Variants in MELTF observed in about 807,000 individuals in gnomAD.
MELTF encodes melanotransferrin, also known as antigen p97 (melanoma associated) identified by monoclonal antibodies 133.2 and 96.5.
Under a neutral mutation model 83.7 loss-of-function variants are expected in MELTF, and 67 were observed. That is an observed-to-expected ratio of 0.80 (90% CI 0.66 to 0.98). The LOEUF is 0.98. MELTF is among the 50% of genes least tolerant of loss of function. MELTF has a pLI of 0.00. For synonymous variants in MELTF, 462 were observed against 447.6 expected (o/e 1.03, Z -0.41); for missense variants, 1,002 against 1,035.6 (o/e 0.97, Z 0.44).
rs769472513 is a variant in MELTF, at chr3:197,015,511, G to A, written c.1087C>T (p.Pro363Ser). The A allele has an allele frequency of 5.0e-6, 8 of 1,609,856 alleles. No individual in the cohort carries two copies. The African/African-American group carries it at 6.7e-5, about 13-fold the overall frequency. Residue 363 changes from proline to serine, a missense_variant, in exon 9 of 16, where the codon CCC becomes TCC. By Grantham distance (74) the Pro-to-Ser change is moderately conservative. Transcript: ENST00000296350. ...KGLLCDPNRL[P>S]PYLRWCVLST... is the part of the protein sequence containing the mutation. The stretch of plus-strand genomic sequence containing the variant: ...AGCACACACCAGCGCAGGTAGGGGG[G>A]CAGCCCTGGGGTGGGGCAAGCAAGC...
intron 9 of MELTF, among the ~76,000 whole-genome samples, chr3:197,012,643 G>A (rs1249650524): frequency 1.3e-5 from 2 of 152,252 alleles, no homozygotes; most frequent in South Asian, 2.1e-4. Context: ...TGACAGCCGG[G>A]GCTCTGGGCC....
rs1718871471 is a variant in MELTF at position 197,003,812 on chromosome 3, G to C, written c.2137+89C>G. The C allele has an allele frequency of 8.0e-7, 1 of 1,255,860 alleles. No individual in the cohort carries two copies. The allele number at this position is 1,255,860 out of a possible 1,614,324, so 77.8% of individuals were successfully genotyped here. ...CGAACGGGCCTCCACCCGCCTCCCCGGACCCGCAGCGCCCCCCGCTCCCTC... is the reference window on the plus strand; with the variant it reads ...CGAACGGGCCTCCACCCGCCTCCCCCGACCCGCAGCGCCCCCCGCTCCCTC... On this transcript the variant is annotated intron_variant, in intron 15 of 15. Coordinates refer to ENST00000296350, the MANE Select transcript of MELTF (RefSeq NM_005929.6). The surrounding 1 kb of genome is among the most constrained non-coding windows in gnomAD (Gnocchi z 6.2).
chr3:197,021,548 TGGGCTGTA>T, intron 5 of MELTF, 77 bp from the exon 6 acceptor site: 1 of 1,418,192 alleles, frequency 7.1e-7, no homozygotes, highest in Non-Finnish European at 9.8e-7. Flanking sequence ...AGGCCTGGCT[TGGGCTGTA>T]GGGGTGGCCA....
At chr3:197,023,202 A>G (rs779512358) in intron 4 of MELTF, 89 bp from the exon 5 acceptor site, 18 of 1,318,958 alleles carry the variant, frequency 1.4e-5, no homozygotes, top group Non-Finnish European at 1.8e-5. Flanking sequence ...CCGGGCTCTC[A>G]TCTGGACTCT....
intron 2 of MELTF, among the ~76,000 whole-genome samples, chr3:197,027,419 T>C (rs1719899785): frequency 6.6e-6 from 1 of 152,250 alleles, no homozygotes; most frequent in Non-Finnish European, 1.5e-5. Flanking sequence ...AGCCCCATTC[T>C]GGAGAGCCCC....
intron 6 of MELTF, chr3:197,019,350 T>C (rs2148587587): frequency 1.7e-6 from 2 of 1,167,798 alleles, no homozygotes; most frequent in African/African-American, 3.1e-5. Flanking sequence ...CTTCCCTGCT[T>C]TAGACATTTA....
chr3:197,016,229 C>CG lies in MELTF; in HGVS notation c.1040_1041insC (p.Glu347AspfsTer12). The CG allele has an allele frequency of 6.3e-7, 1 of 1,598,834 alleles. No homozygotes were observed. Among genetic ancestry groups the CG allele is most frequent in the Non-Finnish European group, 8.5e-7 (1 of 1,172,864 alleles). On this transcript the variant is annotated frameshift_variant, in exon 8 of 16. Coordinates refer to ENST00000296350, the MANE Select transcript of MELTF (RefSeq NM_005929.6). LOFTEE classifies it high-confidence loss of function. ...GCAGACCCTTCATGGCGTGCAGGTA[C>CG]TCATGGCCCAGCCACGCCTCATAGG...
chr3:197,013,939 C>A (rs567025927), intron 9 of MELTF, among the ~76,000 whole-genome samples: 1 of 152,214 alleles, frequency 6.6e-6, no homozygotes, highest in African/African-American at 2.4e-5. Flanking sequence ...GAAAACAGTA[C>A]GGAAGTCCCT....
rs575510652 is a variant in MELTF at position 197,002,042 on chromosome 3, C to T, written c.*1330G>A. 4.6e-5 allele frequency: 7 copies of T among 152,392 alleles called. No individual in the cohort carries two copies. The highest frequency in any genetic ancestry group is 2.1e-4 in the South Asian group (1 of 4,824). 9.4% of individuals were successfully genotyped at this position (152,392 alleles called of 1,614,324 possible). On this transcript the variant is annotated 3_prime_UTR_variant, in exon 16 of 16. Coordinates refer to ENST00000296350, the MANE Select transcript of MELTF (RefSeq NM_005929.6). ...AGCGAGAGGGGACAAAGCTTGGTGG[C>T]CGAGGCCCAGGTCCTTGTGGCCCCT...
At position 197,008,872 on chromosome 3, in the gene MELTF, T is replaced by G. The variant is rs371944729; in HGVS notation, c.1619A>C (p.Gln540Pro). The G allele has an allele frequency of 3.4e-5, 55 of 1,614,076 alleles. No homozygotes were observed. The highest frequency in any genetic ancestry group is 4.6e-5 in the Non-Finnish European group (54 of 1,180,032). Residue 540 changes from glutamine (Q) to proline (P), a missense_variant, in exon 12 of 16, where the codon CAG becomes CCG. Gln to Pro is a moderately conservative substitution (Grantham distance 76, BLOSUM62 -1). Coordinates refer to ENST00000296350, the MANE Select transcript of MELTF (RefSeq NM_005929.6). The surrounding 1 kb of genome is among the most constrained non-coding windows in gnomAD (Gnocchi z 5.4). ...GTTGCCCACACACTTGTTGCGGCCC[T>G]GCTCGTCCCCCACGCACAGTGCACA... ...SLCALCVGDE[Q>P]GRNKCVGNSQ... is the part of the protein sequence containing the mutation.
At chr3:197,014,992 G>A (rs1370781580) in intron 9 of MELTF, among the ~76,000 whole-genome samples, 2 of 152,222 alleles carry the variant, frequency 1.3e-5, no homozygotes, top group African/African-American at 4.8e-5. Flanking sequence ...ATTGCACAAG[G>A]GAAGGCTGAG....
At chr3:197,013,674 C>T (rs915573134) in intron 9 of MELTF, among the ~76,000 whole-genome samples, 5 of 152,192 alleles carry the variant, frequency 3.3e-5, no homozygotes, top group African/African-American at 1.2e-4. Context: ...AACATCTCAA[C>T]AGCAGAAAAC....
intron 9 of MELTF, 136 bp downstream of exon 9, chr3:197,015,229 C>T (rs1010165069): frequency 1.7e-6 from 2 of 1,148,506 alleles, no homozygotes; most frequent in African/African-American, 3.1e-5. Flanking sequence ...GTCGCTCCTC[C>T]CCACCCGTCT....
rs1481267477 is a variant in MELTF at position 197,008,648 on chromosome 3, C to T, written c.1750+9G>A. The stretch of plus-strand genomic sequence containing the variant: ...ACCTACCTTTGGCCCTGCTCTTGCC[C>T]CCACCTACCGTTTGTGTTGTCAAAG... On this transcript the variant is annotated intron_variant, in intron 13 of 15. Coordinates refer to ENST00000296350, the MANE Select transcript of MELTF (RefSeq NM_005929.6). The surrounding 1 kb of genome is among the most constrained non-coding windows in gnomAD (Gnocchi z 5.4). 7 of 1,613,188 alleles carry T rather than the reference C, an allele frequency of 4.3e-6. No individual in the cohort carries two copies. Among genetic ancestry groups the T allele is most frequent in the East Asian group, 4.5e-5 (2 of 44,880 alleles).
chr3:197,008,558 C>G lies in MELTF; in HGVS notation c.1750+99G>C, dbSNP rs1719058068. 3 of 1,357,046 alleles carry G rather than the reference C, an allele frequency of 2.2e-6. No homozygotes were observed. The highest frequency in any genetic ancestry group is 3.1e-6 in the Non-Finnish European group (3 of 976,586). 84.1% of individuals were successfully genotyped at this position (1,357,046 alleles called of 1,614,324 possible). A position where few individuals can be genotyped will look rare whatever the true frequency, so the allele number is the denominator to read the frequency against. On this transcript the variant is annotated intron_variant, in intron 13 of 15. Coordinates refer to ENST00000296350, the MANE Select transcript of MELTF (RefSeq NM_005929.6). This position sits in a 1 kb window ranked among gnomAD's most constrained non-coding sequence, Gnocchi z 5.4. ...GCCTTCTAGACTCAGCCTCTCTGAG[C>G]TGCTGCTTGGCCCCAGCCCAGCATG...
At position 197,003,339 on chromosome 3, in the gene MELTF, G is replaced by T; in HGVS notation, c.*33C>A. On this transcript the variant is annotated 3_prime_UTR_variant, in exon 16 of 16. Transcript: ENST00000296350. This position sits in a 1 kb window ranked among gnomAD's most constrained non-coding sequence, Gnocchi z 6.2. ...AAGCCGCCGCGGAAACTCCCCGGGC[G>T]GGCATCGGAGCTCTGGGGCGGGGCG... 1 of 1,063,572 alleles carries T rather than the reference G, an allele frequency of 9.4e-7. No homozygotes were observed. The highest frequency in any genetic ancestry group is 4.4e-5 in the South Asian group (1 of 22,804). 65.9% of individuals were successfully genotyped at this position (1,063,572 alleles called of 1,614,324 possible). A position where few individuals can be genotyped will look rare whatever the true frequency, so the allele number is the denominator to read the frequency against.
intron 9 of MELTF, among the ~76,000 whole-genome samples, chr3:197,014,988 C>G (rs1719308714): frequency 6.6e-6 from 1 of 152,216 alleles, no homozygotes. Context: ...CTCTATTGCA[C>G]AAGGGAAGGC....
At position 197,029,802 on chromosome 3, in the gene MELTF, C is replaced by G. The variant is rs955280357; in HGVS notation, c.-100G>C. Reference sequence around the variant, plus strand: ...CTCCCTGCTCCCCCTCGCGCTGGCCCGAGCTCCTTAAGTGCGGCCGCGAGT... The same window carrying G: ...CTCCCTGCTCCCCCTCGCGCTGGCCGGAGCTCCTTAAGTGCGGCCGCGAGT... On this transcript the variant is annotated 5_prime_UTR_variant, in exon 1 of 16. Transcript: ENST00000296350. This position sits in a 1 kb window ranked among gnomAD's most constrained non-coding sequence, Gnocchi z 6.5. 5.7e-6 allele frequency: 5 copies of G among 870,368 alleles called. No individual in the cohort carries two copies. In the Admixed American group the frequency reaches 1.7e-4, roughly 30 times the overall value. The allele number at this position is 870,368 out of a possible 1,614,324, so 53.9% of individuals were successfully genotyped here. A position where few individuals can be genotyped will look rare whatever the true frequency, so the allele number is the denominator to read the frequency against.
chr3:197,006,456 C>G lies in MELTF; in HGVS notation c.1938+93G>C. The G allele has an allele frequency of 2.6e-6, 3 of 1,160,694 alleles. No individual in the cohort carries two copies. The highest frequency in any genetic ancestry group is 3.5e-6 in the Non-Finnish European group (3 of 845,456). The allele number at this position is 1,160,694 out of a possible 1,614,324, so 71.9% of individuals were successfully genotyped here. On this transcript the variant is annotated intron_variant, in intron 14 of 15. Transcript: ENST00000296350. The surrounding 1 kb of genome is among the most constrained non-coding windows in gnomAD (Gnocchi z 5.4). Reference sequence around the variant, plus strand: ...TTTCCCCCGGGCTTCCTCAATTTCTCTAGAGGTCTGCTCCAGGTAGACTGA... The same window carrying G: ...TTTCCCCCGGGCTTCCTCAATTTCTGTAGAGGTCTGCTCCAGGTAGACTGA...
Sources: allele counts gnomAD v4.1 joint callset (sites outside exome capture counted in the v4.1 genomes callset), GRCh38; gene constraint gnomAD v4.1.1; non-coding constraint Gnocchi (gnomAD v3.1); transcripts MANE v1.5; gene names NCBI Gene and HGNC (gene_info 2026-07-23, HGNC 2026-07-21).